MAGI3: variants seen among roughly 807,000 people sequenced by gnomAD.
MAGI3 encodes the protein membrane associated guanylate kinase, WW and PDZ domain containing 3.
A neutral mutation model predicts 121.8 loss-of-function variants in MAGI3; 43 were observed. That is an observed-to-expected ratio of 0.35 (90% CI 0.28 to 0.46). The LOEUF (loss-of-function observed/expected upper bound fraction) is 0.46. Among genes scored for constraint, MAGI3 ranks in the 20% least tolerant of loss-of-function variants. The probability of loss-of-function intolerance (pLI) is 1.00; values close to 1 mark genes in which losing one functional copy is unlikely to be tolerated. For missense variants in MAGI3, 1,547 were observed against 1,797.3 expected (o/e 0.86, Z 2.52); for synonymous variants, 553 against 639.3 (o/e 0.86, Z 2.04).
chr1:113,453,915 A>G (rs922002927), intron 1 of MAGI3, among the ~76,000 whole-genome samples: 3 of 152,234 alleles, frequency 2.0e-5, no homozygotes, highest in Non-Finnish European at 2.9e-5. Flanking sequence ...CCCTTGTGGG[A>G]AGTATTAGCA....
At chr1:113,655,420 C>T (rs967923124) in intron 15 of MAGI3, among the ~76,000 whole-genome samples, 6 of 151,792 alleles carry the variant, frequency 4.0e-5, no homozygotes, top group Non-Finnish European at 8.8e-5. Context: ...TAGAGGAATT[C>T]AGTAAAATAA....
At chr1:113,486,230 A>G (rs1656373540) in intron 1 of MAGI3, among the ~76,000 whole-genome samples, 1 of 152,120 alleles carries the variant, frequency 6.6e-6, no homozygotes, top group Non-Finnish European at 1.5e-5. Context: ...TACTGCATTG[A>G]TATTGAGAAT....
chr1:113,469,700 T>C (rs916815846), intron 1 of MAGI3, among the ~76,000 whole-genome samples: 2 of 152,104 alleles, frequency 1.3e-5, no homozygotes, highest in African/African-American at 4.8e-5. Context: ...ATCTCTTATA[T>C]TATTAATAGG....
chr1:113,459,057 A>C (rs1413791789), intron 1 of MAGI3, among the ~76,000 whole-genome samples: 1 of 152,198 alleles, frequency 6.6e-6, no homozygotes, highest in Admixed American at 6.5e-5. Flanking sequence ...TGTAACATAT[A>C]CATTATATAA....
intron 17 of MAGI3, among the ~76,000 whole-genome samples, 167 bp from the exon 18 acceptor site, chr1:113,672,448 T>C (rs1279003044): frequency 1.0e-4 from 4 of 40,102 alleles, no homozygotes; most frequent in Non-Finnish European, 1.8e-4. Context: ...TGACCAGGTT[T>C]CTCCTAGCAC....
In MAGI3 at chr1:113,601,688, G is replaced by A. The variant is rs546435393; in HGVS notation, c.1018+7128G>A. Among the ~76,000 whole-genome samples, 713 of 144,276 alleles carry A rather than the reference G, an allele frequency of 4.9e-3. 2 individuals carry two copies. The highest frequency in any genetic ancestry group is 8.9e-3 in the Non-Finnish European group (585 of 65,762). The allele number at this position is 144,276 out of a possible 152,430, so 94.7% of individuals were successfully genotyped here. ...GCGATTCCTCAGGGATCTAGAACTA[G>A]AAATACCATTTGACCCAGCCATCCC... On this transcript the variant is annotated intron_variant, in intron 6 of 20. Transcript: ENST00000307546.
At chr1:113,503,219 T>TTAA (rs1657116543) in intron 1 of MAGI3, among the ~76,000 whole-genome samples, 1 of 8,976 alleles carries the variant, frequency 1.1e-4, no homozygotes, top group Non-Finnish European at 1.6e-4. Context: ...AGAGTATAAT[T>TTAA]AAAAAAAAAA....
chr1:113,399,990 G>A (rs528166827), intron 1 of MAGI3, among the ~76,000 whole-genome samples: 8 of 152,020 alleles, frequency 5.3e-5, no homozygotes, highest in African/African-American at 7.2e-5. Context: ...CCATGATTTC[G>A]TGGAAATTAT....
chr1:113,609,095 G>C (rs1418443091), intron 6 of MAGI3, among the ~76,000 whole-genome samples: 2 of 152,054 alleles, frequency 1.3e-5, no homozygotes, highest in African/African-American at 4.8e-5. Flanking sequence ...CTACAATTTA[G>C]AACATTGAGT....
At chr1:113,449,785 T>C (rs1041048962) in intron 1 of MAGI3, 2 of 1,111,604 alleles carry the variant, frequency 1.8e-6, no homozygotes, top group Non-Finnish European at 2.7e-6. Context: ...GATGATAGTT[T>C]AAGAGAACAT....
chr1:113,469,513 CT>C lies in MAGI3; in HGVS notation c.316+78175del, dbSNP rs1008693524. Among the ~76,000 whole-genome samples, 134 of 144,620 alleles carry C rather than the reference CT, an allele frequency of 9.3e-4. 1 individual carries two copies. Among genetic ancestry groups the C allele is most frequent in the Admixed American group, 2.6e-3 (37 of 14,434 alleles). The allele number at this position is 144,620 out of a possible 152,430, so 94.9% of individuals were successfully genotyped here. A position where few individuals can be genotyped will look rare whatever the true frequency, so the allele number is the denominator to read the frequency against. ...TTTATTAAAGTTCAGCAAGCAAAGT[CT>C]TTTTTTTTTTCTGTTCGGCATCAGC... On this transcript the variant is annotated intron_variant, in intron 1 of 20. Coordinates refer to ENST00000307546, the MANE Select transcript of MAGI3 (RefSeq NM_001142782.2).
At chr1:113,421,578 A>G (rs76801379) in intron 1 of MAGI3, among the ~76,000 whole-genome samples, 12 of 152,280 alleles carry the variant, frequency 7.9e-5, no homozygotes, top group East Asian at 3.9e-4. Context: ...GGGTCCATCA[A>G]CTTTTATGTA....
intron 1 of MAGI3, among the ~76,000 whole-genome samples, chr1:113,454,663 A>T (rs1045378905): frequency 6.6e-6 from 1 of 151,792 alleles, no homozygotes; most frequent in Non-Finnish European, 1.5e-5. Context: ...ATCCCTCGAC[A>T]GGCCCCGGTG....
intron 1 of MAGI3, among the ~76,000 whole-genome samples, chr1:113,463,103 T>G (rs1481202445): frequency 6.6e-6 from 1 of 151,918 alleles, no homozygotes; most frequent in Non-Finnish European, 1.5e-5. Flanking sequence ...AGAAACAAAT[T>G]TAAAAAACAA....
Position 113,585,399 on chromosome 1 carries a change from G to T in MAGI3, c.566G>T (p.Gly189Val), listed in dbSNP as rs1314704988. The change falls in exon 4 of 21, where the codon GGA becomes GTA. Residue 189 changes from glycine to valine, a missense_variant. Gly to Val is a moderately radical substitution (Grantham distance 109). Coordinates refer to ENST00000307546, the MANE Select transcript of MAGI3 (RefSeq NM_001142782.2). ...ESGTYDGNFY[G>V]TPKPPAEPSP... ...TTATTCACTTCAGGAAACTTCTATG[G>T]AACTCCCAAGCCTCCAGCAGAACCC... The T allele has an allele frequency of 6.2e-7, 1 of 1,613,848 alleles. No individual in the cohort carries two copies. The highest frequency in any genetic ancestry group is 1.7e-5 in the Admixed American group (1 of 59,992).
intron 1 of MAGI3, among the ~76,000 whole-genome samples, chr1:113,396,480 A>G (rs1347829773): frequency 2.0e-5 from 3 of 152,190 alleles, no homozygotes; most frequent in East Asian, 1.9e-4. Context: ...GTCTAAAGTA[A>G]GAGTTTCAGA....
At chr1:113,542,574 C>T (rs1659341220) in intron 1 of MAGI3, among the ~76,000 whole-genome samples, 1 of 152,284 alleles carries the variant, frequency 6.6e-6, no homozygotes, top group Admixed American at 6.5e-5. Context: ...CTTTAAGTTC[C>T]CTTTGGGCTC....
chr1:113,591,211 T>C (rs920783670), intron 5 of MAGI3, among the ~76,000 whole-genome samples: 3 of 152,108 alleles, frequency 2.0e-5, no homozygotes, highest in Admixed American at 6.6e-5. Context: ...ATAGAGATAC[T>C]GATTACCATA....
At chr1:113,485,603 C>T (rs1656345711) in intron 1 of MAGI3, among the ~76,000 whole-genome samples, 1 of 152,132 alleles carries the variant, frequency 6.6e-6, no homozygotes, top group African/African-American at 2.4e-5. Flanking sequence ...CTTTCTCTCA[C>T]TCTGTGGGTT....
Sources: allele counts gnomAD v4.1 joint callset (sites outside exome capture counted in the v4.1 genomes callset), GRCh38; gene constraint gnomAD v4.1.1; transcripts MANE v1.5; gene names NCBI Gene and HGNC (gene_info 2026-07-23, HGNC 2026-07-21).